Variants in DOP1B observed in about 807,000 individuals in gnomAD.
The protein encoded by DOP1B is protein DOP1B.
In DOP1B, 174 loss-of-function variants were observed where a neutral mutation model predicts 233.5. The observed-to-expected ratio is 0.75, with a 90% confidence interval of 0.66 to 0.85. DOP1B has a LOEUF of 0.85. Ranked by LOEUF, DOP1B falls within the 40% of genes least tolerant of loss-of-function variation. The pLI is 0.00. For synonymous variants in DOP1B, 1,190 were observed against 1,185.6 expected, an observed-to-expected ratio of 1.00 and a Z score of -0.08; for missense variants, 2,652 against 2,846.6, an observed-to-expected ratio of 0.93 and a Z score of 1.56.
At chr21:36,210,982 G>T (rs371882457) in intron 5 of DOP1B, among the ~76,000 whole-genome samples, 3 of 152,264 alleles carry the variant, frequency 2.0e-5, no homozygotes, top group East Asian at 1.9e-4. Context: ...CTTTGCTCCC[G>T]GCTGTTCCCT....
intron 18 of DOP1B, among the ~76,000 whole-genome samples, chr21:36,243,471 G>A (rs116255509): frequency 1.5e-3 from 224 of 150,464 alleles, no homozygotes; most frequent in African/African-American, 5.1e-3. Context: ...GATTATAGAA[G>A]TACTAACATG....
chr21:36,179,737 G>A (rs1161779944), intron 2 of DOP1B, among the ~76,000 whole-genome samples: 1 of 152,218 alleles, frequency 6.6e-6, no homozygotes, highest in Non-Finnish European at 1.5e-5. Context: ...TCAATCTTGT[G>A]TGTGTGTGAG....
chr21:36,174,162 T>C (rs1220201684), intron 2 of DOP1B, among the ~76,000 whole-genome samples: 1 of 152,202 alleles, frequency 6.6e-6, no homozygotes, highest in Non-Finnish European at 1.5e-5. Context: ...TCCAGCCCTT[T>C]ACAGATCGGC....
At chr21:36,264,454 T>C (rs1210394210) in intron 26 of DOP1B, among the ~76,000 whole-genome samples, 2 of 151,920 alleles carry the variant, frequency 1.3e-5, no homozygotes, top group Non-Finnish European at 2.9e-5. Flanking sequence ...TACATGGATA[T>C]TTCTTTTTTT....
In DOP1B at chr21:36,237,316, G is replaced by A. The variant is rs748275980; in HGVS notation, c.2677G>A (p.Val893Ile). The part of the protein sequence containing the change: ...QLNKETREHH[V>I]TCVELFYRLH... The stretch of plus-strand genomic sequence containing the variant: ...GAACAAAGAGACCCGGGAGCATCAC[G>A]TCACCTGCGTAGAATTGTTCTACCG... The change falls in exon 16 of 37, where the codon GTC (valine) becomes ATC (isoleucine). Residue 893 changes from valine (V) to isoleucine (I), a missense_variant. This residue lies in a region of DOP1B where 2,617 missense variants were observed against 2,794.3 expected (regional missense o/e 0.94). Coordinates refer to ENST00000691173, the MANE Select transcript of DOP1B (RefSeq NM_001320714.2). 29 of 1,614,052 alleles carry A rather than the reference G, an allele frequency of 1.8e-5. No individual in the cohort carries two copies. The highest frequency in any genetic ancestry group is 3.3e-4 in the Middle Eastern group (2 of 6,084).
chr21:36,199,252 G>T lies in DOP1B; in HGVS notation c.320+1G>T. 1 of 1,611,386 alleles carries T rather than the reference G, an allele frequency of 6.2e-7. No individual in the cohort carries two copies. The highest frequency in any genetic ancestry group is 8.5e-7 in the Non-Finnish European group (1 of 1,178,986). On this transcript the variant is annotated splice_donor_variant, in intron 3 of 36. Transcript: ENST00000691173. LOFTEE classifies it high-confidence loss of function. The stretch of plus-strand genomic sequence containing the variant: ...TGGCCAAGGACTTGTTTCTGTACAG[G>T]TGCGATTGCTTCTCTGCTGTGTTCC...
At chr21:36,281,633 G>T in intron 32 of DOP1B, 22 bp downstream of exon 32, 2 of 1,537,406 alleles carry the variant, frequency 1.3e-6, no homozygotes, top group South Asian at 1.2e-5. Flanking sequence ...GTCTTAGTCT[G>T]TTTTTTGCTG....
intron 27 of DOP1B, among the ~76,000 whole-genome samples, chr21:36,271,460 C>G (rs919628308): frequency 6.6e-6 from 1 of 152,024 alleles, no homozygotes; most frequent in South Asian, 2.1e-4. Flanking sequence ...TTAGTAAAGA[C>G]AGCGTTTCAC....
chr21:36,230,486 G>A lies in DOP1B; in HGVS notation c.1702G>A (p.Glu568Lys), dbSNP rs746087002. The A allele has an allele frequency of 6.2e-7, 1 of 1,610,584 alleles. No individual in the cohort carries two copies. Among genetic ancestry groups the A allele is most frequent in the South Asian group, 1.1e-5 (1 of 91,030 alleles). ...AGGTGAAAACGGCAAAATAATTTTG[G>A]AAACAAAGGCAGTGATTCCCGGTGA... ...VKGENGKIILETKAVIPGDED... is the reference protein window; with the variant it reads ...VKGENGKIILKTKAVIPGDED... The change falls in exon 14 of 37, where the codon GAA becomes AAA. Residue 568 changes from glutamate to lysine, a missense_variant. By Grantham distance (56) the Glu-to-Lys change is moderately conservative (BLOSUM62 1). This residue lies in a region of DOP1B where 2,617 missense variants were observed against 2,794.3 expected (regional missense o/e 0.94). Transcript: ENST00000691173.
At chr21:36,199,430 T>C (rs2066332744) in intron 3 of DOP1B, among the ~76,000 whole-genome samples, 179 bp downstream of exon 3, 1 of 151,208 alleles carries the variant, frequency 6.6e-6, no homozygotes, top group Admixed American at 6.6e-5. Context: ...CCGTCCTAAC[T>C]TTGCTTTCTT....
At chr21:36,212,918 A>T (rs986122751) in intron 7 of DOP1B, among the ~76,000 whole-genome samples, 1 of 152,108 alleles carries the variant, frequency 6.6e-6, no homozygotes, top group Non-Finnish European at 1.5e-5. Context: ...AGTAGCTGGG[A>T]TTGCAGGCAC....
intron 2 of DOP1B, among the ~76,000 whole-genome samples, chr21:36,176,263 G>C (rs964849935): frequency 1.1e-4 from 16 of 152,032 alleles, no homozygotes. Flanking sequence ...TGTCTGCTGG[G>C]GGTGGCCCTT....
At chr21:36,185,867 C>T (rs1282545880) in intron 2 of DOP1B, among the ~76,000 whole-genome samples, 1 of 152,164 alleles carries the variant, frequency 6.6e-6, no homozygotes, top group East Asian at 1.9e-4. Flanking sequence ...GCAGATTACC[C>T]GCTGTGAGGC....
chr21:36,173,208 C>CT (rs911495794), intron 2 of DOP1B, among the ~76,000 whole-genome samples: 1 of 151,728 alleles, frequency 6.6e-6, no homozygotes, highest in East Asian at 1.9e-4. Context: ...GGTCAACATT[C>CT]TTTTTTTTAA....
At chr21:36,254,056 G>C in intron 23 of DOP1B, 147 bp downstream of exon 23, 1 of 1,088,244 alleles carries the variant, frequency 9.2e-7, no homozygotes, top group East Asian at 2.6e-5. Context: ...TGGAGGTGCT[G>C]TTTGCTGTGC....
chr21:36,267,103 C>G (rs1233411861), intron 26 of DOP1B, among the ~76,000 whole-genome samples: 1 of 152,168 alleles, frequency 6.6e-6, no homozygotes, highest in Admixed American at 6.5e-5. Flanking sequence ...TTATAAAATT[C>G]TCGGATGTCA....
In DOP1B at chr21:36,293,496, C is replaced by T. The variant is rs2067582482; in HGVS notation, c.6822C>T (p.Val2274=). 6.8e-6 allele frequency: 11 copies of T among 1,614,066 alleles called. No homozygotes were observed. Among genetic ancestry groups the T allele is most frequent in the Non-Finnish European group, 8.5e-6 (10 of 1,179,940 alleles). The change falls in exon 37 of 37, where the codon GTC becomes GTT. Residue 2274 remains valine, a synonymous_variant. Coordinates refer to ENST00000691173, the MANE Select transcript of DOP1B (RefSeq NM_001320714.2). ...GAACTCCATTCTTGGACTTTCCTGTCACAGATAGCCCAAGGATCTTAAAAC... is the reference window on the plus strand; with the variant it reads ...GAACTCCATTCTTGGACTTTCCTGTTACAGATAGCCCAAGGATCTTAAAAC... ...SPGTPFLDFP[V]TDSPRILKQL... is the part of the protein sequence containing the mutation.
In DOP1B at chr21:36,230,862, A is replaced by G; in HGVS notation, c.2078A>G (p.Lys693Arg). ...AAGCCCATCACTGTGCCTCAGTTCA[A>G]GCAGATGCTGTCAGACTTGTTCACA... ...EPKPITVPQFKQMLSDLFTAR... is the reference protein window; with the variant it reads ...EPKPITVPQFRQMLSDLFTAR... The change falls in exon 14 of 37, where the codon AAG becomes AGG. Residue 693 changes from lysine to arginine, a missense_variant. Transcript: ENST00000691173. The G allele has an allele frequency of 6.2e-7, 1 of 1,614,134 alleles. No individual in the cohort carries two copies. The highest frequency in any genetic ancestry group is 8.5e-7 in the Non-Finnish European group (1 of 1,179,998).
rs914861480 is a variant in DOP1B, at chr21:36,282,034, C to T, written c.6160+423C>T. Among the ~76,000 whole-genome samples, 7 of 152,170 alleles carry T rather than the reference C, an allele frequency of 4.6e-5. No homozygotes were observed. The South Asian group carries it at 8.3e-4, about 18-fold the overall frequency. ...GATTAAGTACTAGAGGGGTCTACTG[C>T]GTGCTTTGGCATGATTGTCACTTGT... On this transcript the variant is annotated intron_variant, in intron 32 of 36. Coordinates refer to ENST00000691173, the MANE Select transcript of DOP1B (RefSeq NM_001320714.2).
Sources: gnomAD v4.1 joint callset for allele counts (sites outside exome capture counted in the v4.1 genomes callset) on GRCh38, gnomAD v4.1.1 for gene constraint, gnomAD v4.1.1 regional missense constraint, MANE v1.5 for transcripts, NCBI Gene and HGNC (gene_info 2026-07-23, HGNC 2026-07-21) for gene names.